Variants in CERT1 observed in about 807,000 individuals in gnomAD.
CERT1 encodes the protein ceramide transporter 1, also known as ceramide transfer protein.
Under a neutral mutation model 87.9 loss-of-function variants are expected in CERT1, and 31 were observed. The ratio of observed to expected loss-of-function variants is 0.35; its 90% CI spans 0.27 to 0.48. The LOEUF (loss-of-function observed/expected upper bound fraction) is 0.48, where lower values mean the gene tolerates loss of function less well. Ranked by LOEUF, CERT1 falls within the 20% of genes least tolerant of loss-of-function variation. The probability of loss-of-function intolerance (pLI) is 0.99; values close to 1 mark genes in which losing one functional copy is unlikely to be tolerated. For synonymous variants in CERT1, 289 were observed against 250.9 expected, an observed-to-expected ratio of 1.15 and a Z score of -1.44; for missense variants, 487 against 758.0, an observed-to-expected ratio of 0.64 and a Z score of 4.20.
chr5:75,508,077 G>A (rs987845346), intron 1 of CERT1, among the ~76,000 whole-genome samples: 7 of 151,860 alleles, frequency 4.6e-5, no homozygotes, highest in Admixed American at 1.3e-4. Context: ...TACATTGATC[G>A]TATTGAGTCT....
At chr5:75,380,279 G>A (rs565680016) in intron 16 of CERT1, among the ~76,000 whole-genome samples, 12 of 152,156 alleles carry the variant, frequency 7.9e-5, no homozygotes, top group African/African-American at 2.9e-4. Context: ...TAAGGACTAG[G>A]GAAACGCTGA....
intron 11 of CERT1, among the ~76,000 whole-genome samples, chr5:75,394,458 G>T (rs1762166420): frequency 6.6e-6 from 1 of 152,144 alleles, no homozygotes; most frequent in African/African-American, 2.4e-5. Context: ...CTATGATTGT[G>T]CCACTGCATT....
At chr5:75,511,952 G>T, upstream of CERT1, 1 of 818,078 alleles carries the variant, frequency 1.2e-6, no homozygotes, top group Non-Finnish European at 1.9e-6. Flanking sequence ...TCCCCTTGGG[G>T]CCTTGTCAGT....
intron 6 of CERT1, among the ~76,000 whole-genome samples, chr5:75,417,622 G>A (rs556773926): frequency 1.3e-5 from 2 of 152,144 alleles, no homozygotes; most frequent in South Asian, 2.1e-4. Flanking sequence ...CATTCTAGTA[G>A]AATAATTATA....
At chr5:75,380,934 C>G in intron 16 of CERT1, 138 bp downstream of exon 16, 1 of 865,248 alleles carries the variant, frequency 1.2e-6, no homozygotes, top group Non-Finnish European at 1.8e-6. Flanking sequence ...TCTAGTAATT[C>G]TGATATACCT....
downstream of CERT1, chr5:75,377,581 A>C (rs1761373328): frequency 6.6e-6 from 1 of 152,252 alleles, no homozygotes; most frequent in Non-Finnish European, 1.5e-5. Context: ...CTTCAAGATA[A>C]AATAAATGCA....
intron 15 of CERT1, among the ~76,000 whole-genome samples, chr5:75,381,614 T>C (rs1019093781): frequency 2.0e-5 from 3 of 152,172 alleles, no homozygotes; most frequent in East Asian, 1.9e-4. Flanking sequence ...TGGAGCTAAA[T>C]TGTGGTAAAC....
At chr5:75,484,625 A>G (rs1766420509) in intron 2 of CERT1, among the ~76,000 whole-genome samples, 1 of 152,068 alleles carries the variant, frequency 6.6e-6, no homozygotes, top group Non-Finnish European at 1.5e-5. Flanking sequence ...TCAAGACAAA[A>G]CCAACAAGAA....
chr5:75,431,288 C>CAGTA (rs1416260465), intron 3 of CERT1, among the ~76,000 whole-genome samples: 22 of 152,190 alleles, frequency 1.4e-4, no homozygotes, highest in African/African-American at 5.3e-4. Context: ...TGTTTACCTC[C>CAGTA]CACTTTTAAG....
chr5:75,370,471 T>C (rs990000426), intron 17 of CERT1: 4 of 152,222 alleles, frequency 2.6e-5, no homozygotes, highest in African/African-American at 7.2e-5. Flanking sequence ...GCTTCCATTT[T>C]AGAAACACCC....
intron 2 of CERT1, among the ~76,000 whole-genome samples, chr5:75,467,779 G>A (rs1765534655): frequency 6.6e-6 from 1 of 152,010 alleles, no homozygotes; most frequent in African/African-American, 2.4e-5. Context: ...GCACAGATGA[G>A]TATATGTAAA....
At chr5:75,438,278 A>G (rs1019362617) in intron 3 of CERT1, among the ~76,000 whole-genome samples, 1 of 152,202 alleles carries the variant, frequency 6.6e-6, no homozygotes, top group Non-Finnish European at 1.5e-5. Flanking sequence ...AAGTTATCAA[A>G]CTGTTCTAAA....
intron 8 of CERT1, 80 bp from the exon 9 acceptor site, chr5:75,403,138 T>C: frequency 1.1e-6 from 1 of 928,456 alleles, no homozygotes; most frequent in Non-Finnish European, 1.7e-6. Flanking sequence ...TTAACTTGAG[T>C]TTGAAAATTG....
At chr5:75,483,643 C>T (rs1304922712) in intron 2 of CERT1, among the ~76,000 whole-genome samples, 1 of 152,062 alleles carries the variant, frequency 6.6e-6, no homozygotes, top group Non-Finnish European at 1.5e-5. Flanking sequence ...AGCTCCAATA[C>T]ATCTAGCAGA....
At chr5:75,455,653 G>A (rs180870266) in intron 3 of CERT1, among the ~76,000 whole-genome samples, 36 of 152,182 alleles carry the variant, frequency 2.4e-4, no homozygotes, top group African/African-American at 8.0e-4. Context: ...ATCCACGGGC[G>A]AAAAGAAAAA....
chr5:75,454,505 G>C (rs1764890047), intron 3 of CERT1, among the ~76,000 whole-genome samples: 1 of 152,094 alleles, frequency 6.6e-6, no homozygotes, highest in Non-Finnish European at 1.5e-5. Context: ...GTGCAAAATG[G>C]GTCATAAAGC....
chr5:75,493,656 T>C (rs1012085706), intron 2 of CERT1, among the ~76,000 whole-genome samples: 4 of 152,338 alleles, frequency 2.6e-5, no homozygotes, highest in East Asian at 3.9e-4. Context: ...TTTTTAAAAA[T>C]CTATTATACT....
chr5:75,425,298 A>C, intron 5 of CERT1, 63 bp downstream of exon 5: 1 of 1,489,850 alleles, frequency 6.7e-7, no homozygotes, highest in Non-Finnish European at 9.2e-7. Flanking sequence ...TTACCCTTTG[A>C]GATCAAGAGG....
At position 75,467,667 on chromosome 5, in the gene CERT1, A is replaced by AAAG. The variant is rs1554043729; in HGVS notation, c.232-8487_232-8486insCTT. ...AAAAAAAAGAAAAAAAAAAAAAAAA[A>AAAG]GTAGCATAAGAAATCTATGGGGCAA... On this transcript the variant is annotated intron_variant, in intron 2 of 16. Transcript: ENST00000643780. 9.4e-4 allele frequency among the ~76,000 whole-genome samples: 140 copies of AAAG among 149,640 alleles called. No homozygotes were observed. The East Asian group carries it at 0.012, about 13-fold the overall frequency.
Sources: allele counts gnomAD v4.1 joint callset (sites outside exome capture counted in the v4.1 genomes callset), GRCh38; gene constraint gnomAD v4.1.1; transcripts MANE v1.5; gene names NCBI Gene and HGNC (gene_info 2026-07-23, HGNC 2026-07-21).